Variants in AUTS2 observed in about 807,000 individuals in gnomAD.
AUTS2 encodes autism susceptibility gene 2 protein.
A neutral mutation model predicts 112.4 loss-of-function variants in AUTS2; 17 were observed. The observed-to-expected ratio is 0.15, with a 90% CI of 0.10 to 0.23. AUTS2 has a LOEUF of 0.23. Ranked by LOEUF, AUTS2 falls within the 10% of genes least tolerant of loss-of-function variation. The pLI is 1.00. For missense variants in AUTS2, 1,510 were observed against 1,701.6 expected (o/e 0.89, Z 1.98); for synonymous variants, 751 against 702.7 (o/e 1.07, Z -1.09).
At chr7:70,554,795 G>T (rs1188215171) in intron 5 of AUTS2, among the ~76,000 whole-genome samples, 1 of 152,178 alleles carries the variant, frequency 6.6e-6, no homozygotes, top group Non-Finnish European at 1.5e-5. Flanking sequence ...GACTCATAAA[G>T]GCAGGCTGCC....
At chr7:70,108,470 TAACTTC>T (rs1804888033) in intron 2 of AUTS2, among the ~76,000 whole-genome samples, 1 of 152,132 alleles carries the variant, frequency 6.6e-6, no homozygotes, top group Non-Finnish European at 1.5e-5. Context: ...CAACATCATC[TAACTTC>T]AACAATTAAG....
At chr7:70,424,008 A>G (rs957014877) in intron 4 of AUTS2, among the ~76,000 whole-genome samples, 1 of 152,210 alleles carries the variant, frequency 6.6e-6, no homozygotes, top group Non-Finnish European at 1.5e-5. Flanking sequence ...AACTATTGGT[A>G]TGTCTTTCTG....
chr7:69,867,974 C>A (rs1793311027), intron 1 of AUTS2, among the ~76,000 whole-genome samples: 1 of 151,650 alleles, frequency 6.6e-6, no homozygotes, highest in Admixed American at 6.6e-5. Flanking sequence ...ATAGGAAATT[C>A]AGATTTAGCT....
intron 5 of AUTS2, among the ~76,000 whole-genome samples, chr7:70,633,504 G>A (rs923230709): frequency 4.6e-5 from 7 of 151,570 alleles, no homozygotes; most frequent in Middle Eastern, 3.4e-3. Flanking sequence ...CCAGCTGCTC[G>A]GGAGGCTGAG....
intron 4 of AUTS2, among the ~76,000 whole-genome samples, chr7:70,190,931 A>G (rs2129582947): frequency 6.6e-6 from 1 of 152,294 alleles, no homozygotes; most frequent in African/African-American, 2.4e-5. Context: ...AAAATAATGT[A>G]AAATTCTAGT....
chr7:70,309,797 A>G (rs1017934032), intron 4 of AUTS2, among the ~76,000 whole-genome samples: 1 of 152,338 alleles, frequency 6.6e-6, no homozygotes, highest in South Asian at 2.1e-4. Flanking sequence ...ACCCAGTCCT[A>G]TTTCATAAAT....
chr7:70,227,216 C>G (rs1295403643), intron 4 of AUTS2, among the ~76,000 whole-genome samples: 1 of 150,912 alleles, frequency 6.6e-6, no homozygotes, highest in African/African-American at 2.4e-5. Flanking sequence ...TTTATTGCAA[C>G]AACAATTAGA....
chr7:69,780,655 A>G (rs949865161), intron 1 of AUTS2, among the ~76,000 whole-genome samples: 1 of 152,234 alleles, frequency 6.6e-6, no homozygotes. Flanking sequence ...AGCTACACAC[A>G]GGAACCTGAA....
intron 5 of AUTS2, among the ~76,000 whole-genome samples, chr7:70,519,417 G>A (rs2129494559): frequency 6.6e-6 from 1 of 152,338 alleles, no homozygotes; most frequent in Middle Eastern, 3.4e-3. Context: ...AATTAATAGT[G>A]AGCGTTGCCA....
At chr7:69,946,602 A>G (rs28438803) in intron 2 of AUTS2, among the ~76,000 whole-genome samples, 16 of 134,692 alleles carry the variant, frequency 1.2e-4, no homozygotes, top group Non-Finnish European at 1.7e-4. Flanking sequence ...ACACACACAC[A>G]CACACGCACG....
intron 1 of AUTS2, among the ~76,000 whole-genome samples, chr7:69,890,610 A>C (rs984928131): frequency 6.6e-6 from 1 of 152,168 alleles, no homozygotes; most frequent in African/African-American, 2.4e-5. Flanking sequence ...GCCAAACAGT[A>C]ATCAGGCTAC....
At chr7:70,744,366 C>T (rs1256092164) in intron 6 of AUTS2, among the ~76,000 whole-genome samples, 2 of 152,148 alleles carry the variant, frequency 1.3e-5, no homozygotes, top group Non-Finnish European at 2.9e-5. Context: ...GCAAGCACAT[C>T]CTCGGTTTGG....
At chr7:70,518,327 T>C (rs1799500313) in intron 5 of AUTS2, among the ~76,000 whole-genome samples, 1 of 152,150 alleles carries the variant, frequency 6.6e-6, no homozygotes, top group Non-Finnish European at 1.5e-5. Flanking sequence ...ATGGCTGATT[T>C]TCATGATCCT....
chr7:70,221,922 G>C (rs1222402166), intron 4 of AUTS2, among the ~76,000 whole-genome samples: 1 of 152,028 alleles, frequency 6.6e-6, no homozygotes, highest in East Asian at 1.9e-4. Context: ...TCTATCATTT[G>C]GGTTTGGCTT....
intron 4 of AUTS2, among the ~76,000 whole-genome samples, chr7:70,210,623 A>G (rs1810829240): frequency 6.6e-6 from 1 of 152,184 alleles, no homozygotes; most frequent in African/African-American, 2.4e-5. Context: ...GACAGAGTGG[A>G]AAGGGTCCTT....
intron 5 of AUTS2, among the ~76,000 whole-genome samples, chr7:70,497,273 C>A (rs1021203120): frequency 1.8e-4 from 27 of 147,272 alleles, no homozygotes; most frequent in Admixed American, 9.5e-4. Flanking sequence ...CACACACACA[C>A]CCCCCACACA....
intron 2 of AUTS2, among the ~76,000 whole-genome samples, chr7:69,989,815 C>A (rs1363156533): frequency 2.6e-5 from 4 of 152,134 alleles, no homozygotes; most frequent in Non-Finnish European, 5.9e-5. Flanking sequence ...AGCAGGCTAA[C>A]AAACATTAAG....
intron 5 of AUTS2, among the ~76,000 whole-genome samples, chr7:70,627,788 C>G (rs906521136): frequency 6.6e-6 from 1 of 152,186 alleles, no homozygotes; most frequent in African/African-American, 2.4e-5. Flanking sequence ...GTGCATTTAG[C>G]ATCTGTTATG....
At chr7:70,301,657 A>T (rs937867765) in intron 4 of AUTS2, among the ~76,000 whole-genome samples, 2 of 152,210 alleles carry the variant, frequency 1.3e-5, no homozygotes, top group Non-Finnish European at 2.9e-5. Flanking sequence ...CAGTCAATTT[A>T]AATTATATGT....
Sources: gnomAD v4.1 joint callset for allele counts (sites outside exome capture counted in the v4.1 genomes callset) on GRCh38, gnomAD v4.1.1 for gene constraint, MANE v1.5 for transcripts, NCBI Gene and HGNC (gene_info 2026-07-23, HGNC 2026-07-21) for gene names.